The following ANGPT1 variants were observed in gnomAD, a reference collection of about 807,000 sequenced individuals.
ANGPT1 encodes the protein angiopoietin 1.
ANGPT1 carries 17 observed loss-of-function variants against 62.2 expected under a neutral mutation model. That is an observed-to-expected ratio of 0.27 (90% CI 0.19 to 0.41). ANGPT1 has a LOEUF of 0.41. ANGPT1 is among the 10% of genes least tolerant of loss of function. ANGPT1 has a pLI of 1.00. For missense variants in ANGPT1, 478 were observed against 594.9 expected (o/e 0.80, Z 2.04); for synonymous variants, 199 against 198.9 (o/e 1.00, Z 0.00).
At chr8:107,415,197 G>A (rs1810706246) in intron 1 of ANGPT1, among the ~76,000 whole-genome samples, 1 of 152,130 alleles carries the variant, frequency 6.6e-6, no homozygotes, top group Non-Finnish European at 1.5e-5. Flanking sequence ...ATATGGTAAA[G>A]TATTTGTGAA....
At chr8:107,433,525 C>G (rs1462999936) in intron 1 of ANGPT1, among the ~76,000 whole-genome samples, 1 of 152,096 alleles carries the variant, frequency 6.6e-6, no homozygotes, top group Non-Finnish European at 1.5e-5. Context: ...GATGGACAAG[C>G]AAATAATACA....
chr8:107,438,771 A>G (rs959808665), intron 1 of ANGPT1, among the ~76,000 whole-genome samples: 1 of 152,168 alleles, frequency 6.6e-6, no homozygotes, highest in Non-Finnish European at 1.5e-5. Context: ...GAAGAAAATA[A>G]TTGTCTTATT....
chr8:107,490,345 T>A (rs113988611), intron 1 of ANGPT1, among the ~76,000 whole-genome samples: 3 of 152,270 alleles, frequency 2.0e-5, no homozygotes, highest in Admixed American at 6.5e-5. Flanking sequence ...AGGCTGCTGG[T>A]CTGTATTGTT....
rs10686360 is a variant in ANGPT1 at position 107,396,517 on chromosome 8, C to CTTTTT, written c.298-49425_298-49421dup. Among the ~76,000 whole-genome samples the CTTTTT allele has an allele frequency of 4.9e-3, 414 of 84,798 alleles. 3 individuals are homozygous for CTTTTT. The highest frequency in any genetic ancestry group is 6.4e-3 in the African/African-American group (139 of 21,758). The allele number at this position is 84,798 out of a possible 152,430, so 55.6% of individuals were successfully genotyped here. On this transcript the variant is annotated intron_variant, in intron 1 of 8. Transcript: ENST00000517746. Reference sequence around the variant, plus strand: ...TTTTTCTTTTTCTTTTCTTTTCTCTCTTTTTTTTTTTTTTTTTTTTTTGAG... The same window carrying CTTTTT: ...TTTTTCTTTTTCTTTTCTTTTCTCTCTTTTTTTTTTTTTTTTTTTTTTTTTTTGAG...
intron 1 of ANGPT1, among the ~76,000 whole-genome samples, chr8:107,453,293 G>A (rs527559199): frequency 1.3e-5 from 2 of 151,984 alleles, no homozygotes; most frequent in Non-Finnish European, 2.9e-5. Flanking sequence ...CCATTTTTAA[G>A]TTTATATTAG....
At chr8:107,401,488 T>C (rs552206588) in intron 1 of ANGPT1, among the ~76,000 whole-genome samples, 17 of 152,324 alleles carry the variant, frequency 1.1e-4, no homozygotes, top group African/African-American at 4.1e-4. Context: ...GTAGCCTTTA[T>C]GCTGTTGAGT....
At chr8:107,313,058 C>G (rs568646474) in intron 4 of ANGPT1, among the ~76,000 whole-genome samples, 87 of 152,192 alleles carry the variant, frequency 5.7e-4, no homozygotes, top group African/African-American at 2.0e-3. Flanking sequence ...TAAAATTATA[C>G]CCAAAGTTCA....
At chr8:107,259,108 AAAG>A (rs1295269226) in intron 8 of ANGPT1, among the ~76,000 whole-genome samples, 1 of 152,164 alleles carries the variant, frequency 6.6e-6, no homozygotes, top group African/African-American at 2.4e-5. Flanking sequence ...GGTTGAAATA[AAAG>A]TAGTGCAATG....
chr8:107,250,351 A>C lies in ANGPT1; in HGVS notation c.*1504T>G, dbSNP rs1813221712. 6.6e-6 allele frequency: 1 copy of C among 152,144 alleles called. No homozygotes were observed. Among genetic ancestry groups the C allele is most frequent in the Admixed American group, 6.5e-5 (1 of 15,268 alleles). 9.4% of individuals were successfully genotyped at this position (152,144 alleles called of 1,614,324 possible). A position where few individuals can be genotyped will look rare whatever the true frequency, so the allele number is the denominator to read the frequency against. ...AAATTCACTTAAAATACATTATCCC[A>C]TAGGAATATTTCCATTGAGTTATTT... On this transcript the variant is annotated 3_prime_UTR_variant, in exon 9 of 9. Transcript: ENST00000517746.
chr8:107,337,266 A>T (rs1356406552), intron 2 of ANGPT1, among the ~76,000 whole-genome samples: 1 of 152,194 alleles, frequency 6.6e-6, no homozygotes, highest in Non-Finnish European at 1.5e-5. Context: ...AATCTGAGGA[A>T]ATGAAATGAC....
chr8:107,471,662 G>A (rs1156367141), intron 1 of ANGPT1, among the ~76,000 whole-genome samples: 6 of 152,060 alleles, frequency 3.9e-5, no homozygotes, highest in South Asian at 4.1e-4. Context: ...GATTGGCGAC[G>A]TTTGAATGTA....
In ANGPT1 at chr8:107,396,517, CTTTTTTTT is replaced by C. The variant is rs10686360; in HGVS notation, c.298-49428_298-49421del. 2.5e-4 allele frequency among the ~76,000 whole-genome samples: 21 copies of C among 84,860 alleles called. No homozygotes were observed. In the East Asian group the frequency reaches 8.6e-3, roughly 35 times the overall value. 55.7% of individuals were successfully genotyped at this position (84,860 alleles called of 152,430 possible). ...TTTTTCTTTTTCTTTTCTTTTCTCT[CTTTTTTTT>C]TTTTTTTTTTTTTTGAGAGAGGGTT... On this transcript the variant is annotated intron_variant, in intron 1 of 8. Coordinates refer to ENST00000517746, the MANE Select transcript of ANGPT1 (RefSeq NM_001146.5).
intron 1 of ANGPT1, among the ~76,000 whole-genome samples, chr8:107,431,203 A>G (rs1244443176): frequency 6.6e-6 from 1 of 152,240 alleles, no homozygotes; most frequent in Non-Finnish European, 1.5e-5. Flanking sequence ...TACATTGTAT[A>G]TAGTATATTG....
chr8:107,331,540 T>C (rs536984590), intron 3 of ANGPT1, among the ~76,000 whole-genome samples: 5 of 152,338 alleles, frequency 3.3e-5, no homozygotes, highest in African/African-American at 4.8e-5. Context: ...AGGCAGAGAA[T>C]CACCATGAAC....
intron 1 of ANGPT1, among the ~76,000 whole-genome samples, chr8:107,469,871 T>C (rs1325475129): frequency 6.6e-6 from 1 of 152,008 alleles, no homozygotes; most frequent in Non-Finnish European, 1.5e-5. Flanking sequence ...CATCAGACAA[T>C]ATGGATAACA....
chr8:107,303,751 A>G (rs936394230), intron 4 of ANGPT1, among the ~76,000 whole-genome samples: 1 of 151,860 alleles, frequency 6.6e-6, no homozygotes, highest in African/African-American at 2.4e-5. Flanking sequence ...TACATTTCAC[A>G]GGAAAGTCTA....
chr8:107,369,181 G>C (rs1323301989), intron 1 of ANGPT1, among the ~76,000 whole-genome samples: 2 of 152,144 alleles, frequency 1.3e-5, no homozygotes. Context: ...TTCTACATCG[G>C]CACTTGCTGC....
chr8:107,306,355 T>C (rs1814717734), intron 4 of ANGPT1, among the ~76,000 whole-genome samples: 1 of 152,176 alleles, frequency 6.6e-6, no homozygotes, highest in Non-Finnish European at 1.5e-5. Flanking sequence ...TACCATTGTT[T>C]ACATTTAAGA....
intron 1 of ANGPT1, among the ~76,000 whole-genome samples, chr8:107,466,214 AC>A (rs1189597173): frequency 6.6e-6 from 1 of 152,192 alleles, no homozygotes; most frequent in African/African-American, 2.4e-5. Context: ...AATTAGGAAT[AC>A]AAGGTTTTCC....
Sources: allele counts gnomAD v4.1 joint callset (sites outside exome capture counted in the v4.1 genomes callset), GRCh38; gene constraint gnomAD v4.1.1; transcripts MANE v1.5; gene names NCBI Gene and HGNC (gene_info 2026-07-23, HGNC 2026-07-21).